Variants in SIM1 observed in about 807,000 individuals in gnomAD.
The protein encoded by SIM1 is single-minded homolog 1.
In SIM1, 18 loss-of-function variants were observed where a neutral mutation model predicts 78.2. The observed-to-expected ratio is 0.23, with a 90% CI of 0.16 to 0.34. The LOEUF (loss-of-function observed/expected upper bound fraction) is 0.34. SIM1 is among the 10% of genes least tolerant of loss of function. SIM1 has a pLI of 1.00. For missense variants in SIM1, 939 were observed against 975.1 expected, an observed-to-expected ratio of 0.96 and a Z score of 0.49; for synonymous variants, 417 against 385.2, an observed-to-expected ratio of 1.08 and a Z score of -0.97.
In SIM1 at chr6:100,448,533, T is replaced by C; in HGVS notation, c.689A>G (p.Asn230Ser). The stretch of plus-strand genomic sequence containing the variant: ...CAGGCTGGCGCGGAACATAAACATA[T>C]TGCTGTGTAGCTTGATCTCCGTGAC... Reference protein sequence around the residue: ...SAVTEIKLHSNMFMFRASLDM... With the variant: ...SAVTEIKLHSSMFMFRASLDM... Residue 230 changes from asparagine to serine, a missense_variant, in exon 7 of 12, where the codon AAT (asparagine) becomes AGT (serine). Physicochemically the swap from Asn to Ser is conservative, Grantham distance 46. Transcript: ENST00000369208. The C allele has an allele frequency of 6.2e-7, 1 of 1,614,096 alleles. No homozygotes were observed. Among genetic ancestry groups the C allele is most frequent in the South Asian group, 1.1e-5 (1 of 91,074 alleles).
intron 10 of SIM1, among the ~76,000 whole-genome samples, chr6:100,402,548 T>C (rs889658418): frequency 1.5e-5 from 2 of 137,616 alleles, no homozygotes; most frequent in African/African-American, 5.0e-5. Flanking sequence ...GGTATTGACA[T>C]TATTTTCTTT....
intron 8 of SIM1, 131 bp from the exon 9 acceptor site, chr6:100,447,546 G>A (rs1320464777): frequency 1.0e-6 from 1 of 986,556 alleles, no homozygotes; most frequent in East Asian, 2.6e-5. Context: ...GAGAGAGAGA[G>A]AGACGACAGG....
chr6:100,428,683 T>C (rs114597933), intron 9 of SIM1, among the ~76,000 whole-genome samples: 1 of 151,624 alleles, frequency 6.6e-6, no homozygotes, highest in Non-Finnish European at 1.5e-5. Flanking sequence ...TCCGAGGGAG[T>C]ACATTCTAAG....
chr6:100,416,308 G>A (rs1300152571), intron 10 of SIM1, among the ~76,000 whole-genome samples: 2 of 151,348 alleles, frequency 1.3e-5, no homozygotes, highest in East Asian at 3.9e-4. Flanking sequence ...TTAGTATAAG[G>A]GTGCCTAAAT....
At chr6:100,439,156 A>G (rs1772140485) in intron 9 of SIM1, among the ~76,000 whole-genome samples, 1 of 152,226 alleles carries the variant, frequency 6.6e-6, no homozygotes, top group Non-Finnish European at 1.5e-5. Flanking sequence ...TTCAAGGTGA[A>G]GAATGTAAAG....
intron 9 of SIM1, among the ~76,000 whole-genome samples, chr6:100,421,470 C>T (rs939809357): frequency 9.2e-5 from 14 of 152,156 alleles, no homozygotes; most frequent in African/African-American, 3.4e-4. Context: ...GTACATTTTA[C>T]CACCGTTCTT....
At position 100,449,447 on chromosome 6, in the gene SIM1, C is replaced by T; in HGVS notation, c.459G>A (p.Glu153=). ...GGAAGAAGGAGCGCTCGATCTCATA[C>T]TCTGGGAGAGAGGAACGAAGGGAAG... ...HQPYHSHFVQ[E]YEIERSFFLR... The change falls in exon 6 of 12, where the codon GAG becomes GAA. Residue 153 remains glutamate (E), a splice_region_variant and synonymous_variant. Coordinates refer to ENST00000369208, the MANE Select transcript of SIM1 (RefSeq NM_005068.3). 6.2e-7 allele frequency: 1 copy of T among 1,613,726 alleles called. No homozygotes were observed. Among genetic ancestry groups the T allele is most frequent in the South Asian group, 1.1e-5 (1 of 91,064 alleles).
chr6:100,457,286 G>A lies in SIM1; in HGVS notation c.176-3442C>T, dbSNP rs1190566406. The stretch of plus-strand genomic sequence containing the variant: ...ATGTATCCTCCTTGCAGTCCTTCCC[G>A]GGAACCTTCACCTCCCCAACTAATT... On this transcript the variant is annotated intron_variant, in intron 2 of 11. Coordinates refer to ENST00000369208, the MANE Select transcript of SIM1 (RefSeq NM_005068.3). Among the ~76,000 whole-genome samples the A allele has an allele frequency of 3.3e-5, 5 of 152,248 alleles. No homozygotes were observed. In the South Asian group the frequency reaches 6.2e-4, roughly 19 times the overall value.
chr6:100,446,622 C>G (rs1205367323), intron 9 of SIM1, among the ~76,000 whole-genome samples: 2 of 152,236 alleles, frequency 1.3e-5, no homozygotes, highest in African/African-American at 4.8e-5. Context: ...GCCTCTGCAG[C>G]CTCCCTGTCA....
intron 10 of SIM1, among the ~76,000 whole-genome samples, chr6:100,414,765 C>A (rs886154711): frequency 1.3e-5 from 2 of 152,202 alleles, no homozygotes; most frequent in African/African-American, 4.8e-5. Flanking sequence ...AAATTATTGA[C>A]CCTTCTGATA....
chr6:100,417,797 A>G (rs1270337889), intron 10 of SIM1, among the ~76,000 whole-genome samples: 1 of 152,194 alleles, frequency 6.6e-6, no homozygotes, highest in African/African-American at 2.4e-5. Context: ...GGTTATCAAC[A>G]ACCCATGCAG....
chr6:100,456,814 G>A (rs1338276149), intron 2 of SIM1, among the ~76,000 whole-genome samples: 6 of 152,154 alleles, frequency 3.9e-5, no homozygotes, highest in African/African-American at 1.4e-4. Context: ...TTTACCCTCC[G>A]TGCTTAGTTG....
intron 10 of SIM1, among the ~76,000 whole-genome samples, chr6:100,420,060 G>C (rs1305056549): frequency 6.6e-6 from 1 of 152,180 alleles, no homozygotes; most frequent in African/African-American, 2.4e-5. Flanking sequence ...ACAGGATATT[G>C]GGAGTGGGTA....
intron 10 of SIM1, among the ~76,000 whole-genome samples, chr6:100,409,505 T>C (rs1771139009): frequency 6.6e-6 from 1 of 152,138 alleles, no homozygotes. Context: ...CTTCTGTTTA[T>C]CTTTTCTATT....
intron 9 of SIM1, chr6:100,427,182 A>G (rs1376722634): frequency 2.0e-5 from 3 of 152,238 alleles, no homozygotes; most frequent in Non-Finnish European, 4.4e-5. Flanking sequence ...TTCATTTTCA[A>G]GCTCCTATGG....
intron 10 of SIM1, among the ~76,000 whole-genome samples, chr6:100,396,698 T>C (rs1311070426): frequency 6.6e-6 from 1 of 152,166 alleles, no homozygotes; most frequent in Non-Finnish European, 1.5e-5. Flanking sequence ...GTGGGCACCA[T>C]CAAAACTCTG....
intron 9 of SIM1, among the ~76,000 whole-genome samples, chr6:100,442,779 C>T (rs1397402876): frequency 6.6e-6 from 1 of 151,854 alleles, no homozygotes; most frequent in Non-Finnish European, 1.5e-5. Flanking sequence ...AATAATATAT[C>T]ACTGGTCTTT....
At chr6:100,441,343 G>T (rs1344271838) in intron 9 of SIM1, among the ~76,000 whole-genome samples, 2 of 152,064 alleles carry the variant, frequency 1.3e-5, no homozygotes, top group African/African-American at 4.8e-5. Flanking sequence ...GAACCCCCAG[G>T]GGGCCTCCCC....
At chr6:100,458,018 CTCTCTCTCTCTCTCTCTCTCTCTCTCT>C (rs1772724700) in intron 2 of SIM1, among the ~76,000 whole-genome samples, 2 of 87,622 alleles carry the variant, frequency 2.3e-5, no homozygotes, top group African/African-American at 1.0e-4. Flanking sequence ...CTCTCTCTCT[CTCTCTCTCTCTCTCTCTCTCTCTCTCT>C]CTCTCTCTCT....
Sources: allele counts gnomAD v4.1 joint callset (sites outside exome capture counted in the v4.1 genomes callset), GRCh38; gene constraint gnomAD v4.1.1; transcripts MANE v1.5; gene names NCBI Gene and HGNC (gene_info 2026-07-23, HGNC 2026-07-21).